Variants in EDIL3 observed in about 807,000 individuals in gnomAD.
The protein encoded by EDIL3 is EGF like and discoidin domains 3, also known as EGF-like repeat and discoidin I-like domain-containing protein 3.
Under a neutral mutation model 67.4 loss-of-function variants are expected in EDIL3, and 37 were observed. That is an observed-to-expected ratio of 0.55 (90% confidence interval 0.42 to 0.72). The LOEUF is 0.72. Among genes scored for constraint, EDIL3 ranks in the 30% least tolerant of loss-of-function variants. EDIL3 has a pLI of 0.00. For missense variants in EDIL3, 527 were observed against 586.3 expected (o/e 0.90, Z 1.04); for synonymous variants, 195 against 196.3 (o/e 0.99, Z 0.05).
intron 1 of EDIL3, among the ~76,000 whole-genome samples, chr5:84,335,456 A>G (rs1228143226): frequency 6.6e-6 from 1 of 152,026 alleles, no homozygotes; most frequent in Non-Finnish European, 1.5e-5. Context: ...ATTTTGTTAT[A>G]TATTTGTATC....
intron 3 of EDIL3, among the ~76,000 whole-genome samples, chr5:84,192,491 C>T (rs1247766690): frequency 3.3e-5 from 5 of 151,876 alleles, no homozygotes; most frequent in African/African-American, 1.2e-4. Flanking sequence ...CTTTCTTCAC[C>T]TCCTCTTTTC....
At chr5:84,214,084 T>C (rs1580380570) in intron 3 of EDIL3, among the ~76,000 whole-genome samples, 3 of 152,326 alleles carry the variant, frequency 2.0e-5, no homozygotes, top group Admixed American at 6.5e-5. Flanking sequence ...GTGGTTATCA[T>C]ATTTGAGATG....
At chr5:83,982,610 G>A (rs1744988562) in intron 9 of EDIL3, among the ~76,000 whole-genome samples, 1 of 152,056 alleles carries the variant, frequency 6.6e-6, no homozygotes, top group African/African-American at 2.4e-5. Context: ...TTGTAGTAGA[G>A]TTGACTTCTT....
At chr5:83,954,386 C>A (rs1366713420) in intron 10 of EDIL3, among the ~76,000 whole-genome samples, 1 of 151,644 alleles carries the variant, frequency 6.6e-6, no homozygotes, top group Non-Finnish European at 1.5e-5. Context: ...GGGGGCAGAT[C>A]CCTCTTGTAT....
intron 6 of EDIL3, among the ~76,000 whole-genome samples, chr5:84,067,313 T>C (rs2112242291): frequency 6.6e-6 from 1 of 152,292 alleles, no homozygotes; most frequent in Non-Finnish European, 1.5e-5. Flanking sequence ...TCAAATAAAA[T>C]TGTTAATATT....
intron 1 of EDIL3, among the ~76,000 whole-genome samples, chr5:84,324,567 T>C (rs1250767186): frequency 2.0e-5 from 3 of 151,498 alleles, no homozygotes; most frequent in Non-Finnish European, 4.4e-5. Context: ...GTAAAGGTTA[T>C]AGCAGAAATA....
At position 84,064,818 on chromosome 5, in the gene EDIL3, G is replaced by A. The variant is rs774782493; in HGVS notation, c.834C>T (p.Asn278=). Residue 278 remains asparagine, a synonymous_variant, in exon 8 of 11, where the codon AAC becomes AAT. Coordinates refer to ENST00000296591, the MANE Select transcript of EDIL3 (RefSeq NM_005711.5). ...DMVFRGNIDN[N]TPYANSFTPP... Reference sequence around the variant, plus strand: ...GTGTGAAAGAGTTAGCATATGGAGTGTTGTTATCAATGTTTCCACGAAACA... The same window carrying A: ...GTGTGAAAGAGTTAGCATATGGAGTATTGTTATCAATGTTTCCACGAAACA... 1 of 1,611,846 alleles carries A rather than the reference G, an allele frequency of 6.2e-7. No homozygotes were observed. The highest frequency in any genetic ancestry group is 1.1e-5 in the South Asian group (1 of 90,556).
intron 1 of EDIL3, among the ~76,000 whole-genome samples, chr5:84,315,528 G>A (rs563061485): frequency 1.6e-4 from 25 of 152,162 alleles, no homozygotes; most frequent in African/African-American, 5.3e-4. Context: ...TGATTTTAGC[G>A]TATCAGTGAA....
chr5:84,353,367 A>G (rs1747404778), intron 1 of EDIL3, among the ~76,000 whole-genome samples: 1 of 152,170 alleles, frequency 6.6e-6, no homozygotes, highest in Non-Finnish European at 1.5e-5. Flanking sequence ...CATGTGTGAC[A>G]TCGAATCCGT....
chr5:84,247,639 T>A (rs192350013), intron 2 of EDIL3, among the ~76,000 whole-genome samples: 4 of 152,226 alleles, frequency 2.6e-5, no homozygotes, highest in Admixed American at 2.6e-4. Flanking sequence ...AGAATCTGAA[T>A]TTGTGGTAGA....
At chr5:83,968,904 G>T (rs887093934) in intron 9 of EDIL3, among the ~76,000 whole-genome samples, 1 of 151,514 alleles carries the variant, frequency 6.6e-6, no homozygotes, top group African/African-American at 2.4e-5. Flanking sequence ...TTTTCATTAT[G>T]AATAAGATAT....
At chr5:83,954,142 G>T (rs1387332814) in intron 10 of EDIL3, among the ~76,000 whole-genome samples, 2 of 151,686 alleles carry the variant, frequency 1.3e-5, no homozygotes, top group East Asian at 3.9e-4. Context: ...TGTGATGGTG[G>T]ATAGTAAAAA....
At chr5:84,051,722 AAATG>A (rs1746342518) in intron 9 of EDIL3, among the ~76,000 whole-genome samples, 1 of 152,246 alleles carries the variant, frequency 6.6e-6, no homozygotes, top group African/African-American at 2.4e-5. Context: ...ACTGAAGATC[AAATG>A]AATGAAATGA....
At chr5:83,972,123 C>G (rs983063448) in intron 9 of EDIL3, among the ~76,000 whole-genome samples, 2 of 152,098 alleles carry the variant, frequency 1.3e-5, no homozygotes, top group Admixed American at 1.3e-4. Flanking sequence ...CATGAAATAT[C>G]TACTGAATGA....
chr5:84,026,790 A>G (rs1745823745), intron 9 of EDIL3, among the ~76,000 whole-genome samples: 1 of 152,152 alleles, frequency 6.6e-6, no homozygotes, highest in Non-Finnish European at 1.5e-5. Context: ...ACCACGCCTT[A>G]TCTTCATTAG....
At chr5:83,980,244 T>TG (rs991730770) in intron 9 of EDIL3, among the ~76,000 whole-genome samples, 3 of 152,092 alleles carry the variant, frequency 2.0e-5, no homozygotes, top group African/African-American at 7.2e-5. Context: ...TGTGTGTTTT[T>TG]TTTTTGTTTT....
chr5:83,973,803 T>C (rs553765603), intron 9 of EDIL3, among the ~76,000 whole-genome samples: 10 of 152,158 alleles, frequency 6.6e-5, no homozygotes, highest in South Asian at 2.1e-4. Context: ...ACTGAAAATA[T>C]AGGTTGGTGC....
At chr5:84,310,907 AC>A (rs1448801683) in intron 1 of EDIL3, among the ~76,000 whole-genome samples, 3 of 151,904 alleles carry the variant, frequency 2.0e-5, no homozygotes, top group Admixed American at 6.6e-5. Flanking sequence ...GAAGGTAACC[AC>A]TTTCCTAGCT....
intron 5 of EDIL3, among the ~76,000 whole-genome samples, chr5:84,118,640 T>C (rs998910244): frequency 6.6e-6 from 1 of 152,182 alleles, no homozygotes; most frequent in African/African-American, 2.4e-5. Flanking sequence ...AAGTGTGTCC[T>C]ACTTCATGGA....
Sources: allele counts gnomAD v4.1 joint callset (sites outside exome capture counted in the v4.1 genomes callset), GRCh38; gene constraint gnomAD v4.1.1; transcripts MANE v1.5; gene names NCBI Gene and HGNC (gene_info 2026-07-23, HGNC 2026-07-21).